FLRT2: variants seen among roughly 807,000 people sequenced by gnomAD.
FLRT2 encodes the protein fibronectin leucine rich transmembrane protein 2.
A neutral mutation model predicts 40.0 loss-of-function variants in FLRT2; 15 were observed. The ratio of observed to expected loss-of-function variants is 0.38; its 90% CI spans 0.25 to 0.58. The LOEUF (loss-of-function observed/expected upper bound fraction) is 0.58. Among genes scored for constraint, FLRT2 ranks in the 20% least tolerant of loss-of-function variants. The pLI is 0.71. For missense variants in FLRT2, 726 were observed against 840.0 expected (o/e 0.86, Z 1.68); for synonymous variants, 380 against 336.8 (o/e 1.13, Z -1.41).
intron 1 of FLRT2, among the ~76,000 whole-genome samples, chr14:85,578,298 T>C (rs1417893910): frequency 6.6e-6 from 1 of 151,010 alleles, no homozygotes; most frequent in East Asian, 1.9e-4. Flanking sequence ...CATTTAGAAA[T>C]TTGCTAAATA....
chr14:85,619,217 GAGACTAC>G (rs1182179201), intron 1 of FLRT2, among the ~76,000 whole-genome samples: 2 of 151,586 alleles, frequency 1.3e-5, no homozygotes, highest in Non-Finnish European at 2.9e-5. Context: ...CAGAGTGGCA[GAGACTAC>G]AGGCTCATAC....
chr14:85,570,928 G>A (rs1188415137), intron 1 of FLRT2, among the ~76,000 whole-genome samples: 1 of 152,038 alleles, frequency 6.6e-6, no homozygotes, highest in Non-Finnish European at 1.5e-5. Flanking sequence ...GTGGCTTAAT[G>A]TATTCCATTA....
At chr14:85,541,648 C>T (rs1202978446) in intron 1 of FLRT2, among the ~76,000 whole-genome samples, 2 of 152,046 alleles carry the variant, frequency 1.3e-5, no homozygotes, top group African/African-American at 4.8e-5. Context: ...TAATGAATGC[C>T]GACTGTAGGT....
intron 1 of FLRT2, among the ~76,000 whole-genome samples, chr14:85,564,038 G>C (rs577558417): frequency 6.6e-6 from 1 of 152,268 alleles, no homozygotes; most frequent in East Asian, 1.9e-4. Flanking sequence ...CAGGGCACTT[G>C]TCCTCTTCCT....
At chr14:85,562,140 A>AG (rs1890370176) in intron 1 of FLRT2, among the ~76,000 whole-genome samples, 1 of 152,198 alleles carries the variant, frequency 6.6e-6, no homozygotes. Context: ...TATGAGTAAA[A>AG]CCTTGGACTA....
chr14:85,604,356 T>C (rs1892517607), intron 1 of FLRT2, among the ~76,000 whole-genome samples: 1 of 152,142 alleles, frequency 6.6e-6, no homozygotes, highest in Non-Finnish European at 1.5e-5. Flanking sequence ...CATTTATATA[T>C]TGCCTGGTAA....
In FLRT2 at chr14:85,631,908, C is replaced by G. The variant is rs1189020161; in HGVS notation, c.*8411C>G. ...TGGCACAAGCTCGGCTCACTGCAACCTCCGCCTCCCGGGTTCAAGCAATTC... is the reference window on the plus strand; with the variant it reads ...TGGCACAAGCTCGGCTCACTGCAACGTCCGCCTCCCGGGTTCAAGCAATTC... On this transcript the variant is annotated 3_prime_UTR_variant, in exon 2 of 2. Coordinates refer to ENST00000330753, the MANE Select transcript of FLRT2 (RefSeq NM_013231.6). 6.6e-6 allele frequency: 1 copy of G among 152,104 alleles called. No homozygotes were observed. The highest frequency in any genetic ancestry group is 2.4e-5 in the African/African-American group (1 of 41,406). 9.4% of individuals were successfully genotyped at this position (152,104 alleles called of 1,614,324 possible). A position where few individuals can be genotyped will look rare whatever the true frequency, so the allele number is the denominator to read the frequency against.
At chr14:85,537,957 T>C (rs1203654883) in intron 1 of FLRT2, among the ~76,000 whole-genome samples, 1 of 152,060 alleles carries the variant, frequency 6.6e-6, no homozygotes, top group Non-Finnish European at 1.5e-5. Flanking sequence ...GTAGCTACTT[T>C]TTCAGGGAAA....
Position 85,634,655 on chromosome 14 carries a change from C to T in FLRT2, c.*11158C>T, listed in dbSNP as rs1305576655. The T allele has an allele frequency of 6.6e-6, 1 of 152,116 alleles. No homozygotes were observed. The highest frequency in any genetic ancestry group is 2.4e-5 in the African/African-American group (1 of 41,424). The allele number at this position is 152,116 out of a possible 1,614,324, so 9.4% of individuals were successfully genotyped here. Reference sequence around the variant, plus strand: ...GCTCATACTAACCTTGGTCCTTGGGCATGTATATGCTTCAATTTTCTCATC... The same window carrying T: ...GCTCATACTAACCTTGGTCCTTGGGTATGTATATGCTTCAATTTTCTCATC... On this transcript the variant is annotated 3_prime_UTR_variant, in exon 2 of 2. Coordinates refer to ENST00000330753, the MANE Select transcript of FLRT2 (RefSeq NM_013231.6).
At chr14:85,559,717 A>C (rs1343003807) in intron 1 of FLRT2, among the ~76,000 whole-genome samples, 1 of 152,112 alleles carries the variant, frequency 6.6e-6, no homozygotes, top group Admixed American at 6.5e-5. Context: ...AGGGAGGCTC[A>C]CAGAGATACA....
intron 1 of FLRT2, among the ~76,000 whole-genome samples, chr14:85,567,485 G>A (rs1485940493): frequency 6.6e-6 from 1 of 152,066 alleles, no homozygotes; most frequent in Non-Finnish European, 1.5e-5. Flanking sequence ...CACTTCTTCA[G>A]GAGCGTAAGT....
intron 1 of FLRT2, among the ~76,000 whole-genome samples, chr14:85,592,693 G>A (rs1040873825): frequency 1.3e-5 from 2 of 150,082 alleles, no homozygotes; most frequent in Middle Eastern, 3.4e-3. Context: ...GGAGGCTGAG[G>A]CAGGAGAATC....
chr14:85,611,894 G>C (rs1325796983), intron 1 of FLRT2, among the ~76,000 whole-genome samples: 2 of 140,700 alleles, frequency 1.4e-5, no homozygotes, highest in African/African-American at 5.1e-5. Context: ...GGGAGAGAGA[G>C]AGAGAGCGCG....
chr14:85,569,842 G>A (rs1451341251), intron 1 of FLRT2, among the ~76,000 whole-genome samples: 1 of 152,202 alleles, frequency 6.6e-6, no homozygotes, highest in Non-Finnish European at 1.5e-5. Flanking sequence ...GATGACAAGT[G>A]TTGTCATGAC....
chr14:85,634,094 T>C lies in FLRT2; in HGVS notation c.*10597T>C, dbSNP rs1159599697. 1 of 152,228 alleles carries C rather than the reference T, an allele frequency of 6.6e-6. No individual in the cohort carries two copies. Among genetic ancestry groups the C allele is most frequent in the African/African-American group, 2.4e-5 (1 of 41,456 alleles). 9.4% of individuals were successfully genotyped at this position (152,228 alleles called of 1,614,324 possible). On this transcript the variant is annotated 3_prime_UTR_variant, in exon 2 of 2. Coordinates refer to ENST00000330753, the MANE Select transcript of FLRT2 (RefSeq NM_013231.6). ...TGCATCCTCTTCAGCTGGATCACGT[T>C]GTTTTCTTTCTGTACACTTTGTGGT...
At chr14:85,606,629 A>G (rs558837992) in intron 1 of FLRT2, among the ~76,000 whole-genome samples, 69 of 144,874 alleles carry the variant, frequency 4.8e-4, no homozygotes, top group African/African-American at 1.7e-3. Context: ...AGTTCAAGCG[A>G]TTCTCCTGCC....
Position 85,645,996 on chromosome 14 carries a change from T to G in FLRT2, c.*22499T>G, listed in dbSNP as rs904901812. On this transcript the variant is annotated 3_prime_UTR_variant, in exon 2 of 2. Transcript: ENST00000330753. ...AACTATCCATATTGAAATAGACAATTACTCTGTATATAGATTTGCCTGCCT... is the reference window on the plus strand; with the variant it reads ...AACTATCCATATTGAAATAGACAATGACTCTGTATATAGATTTGCCTGCCT... 3.3e-5 allele frequency: 5 copies of G among 150,606 alleles called. No homozygotes were observed. Among genetic ancestry groups the G allele is most frequent in the African/African-American group, 4.9e-5 (2 of 40,428 alleles). The allele number at this position is 150,606 out of a possible 1,614,324, so 9.3% of individuals were successfully genotyped here.
intron 1 of FLRT2, among the ~76,000 whole-genome samples, chr14:85,545,511 A>C (rs1889230245): frequency 6.6e-6 from 1 of 152,188 alleles, no homozygotes; most frequent in African/African-American, 2.4e-5. Context: ...GTGATTACTC[A>C]CTGTCCAGTA....
intron 1 of FLRT2, among the ~76,000 whole-genome samples, chr14:85,559,157 A>G (rs1181106845): frequency 6.6e-6 from 1 of 152,202 alleles, no homozygotes; most frequent in Non-Finnish European, 1.5e-5. Flanking sequence ...AAATATGCTC[A>G]GCAGAGGGGT....
Sources: allele counts gnomAD v4.1 joint callset (sites outside exome capture counted in the v4.1 genomes callset), GRCh38; gene constraint gnomAD v4.1.1; transcripts MANE v1.5; gene names NCBI Gene and HGNC (gene_info 2026-07-23, HGNC 2026-07-21).